Variants in PRKCH observed in about 807,000 individuals in gnomAD.
The protein encoded by PRKCH is protein kinase C eta.
In PRKCH, 28 loss-of-function variants were observed where a neutral mutation model predicts 82.5. The ratio of observed to expected loss-of-function variants is 0.34; its 90% CI spans 0.25 to 0.47. PRKCH has a LOEUF of 0.47. Among genes scored for constraint, PRKCH ranks in the 20% least tolerant of loss-of-function variants. The probability of loss-of-function intolerance (pLI) is 1.00; values close to 1 mark genes in which losing one functional copy is unlikely to be tolerated. For synonymous variants in PRKCH, 322 were observed against 327.4 expected (o/e 0.98, Z 0.18); for missense variants, 705 against 881.8 (o/e 0.80, Z 2.54).
At chr14:61,346,897 A>G (rs1417393413) in intron 1 of PRKCH, among the ~76,000 whole-genome samples, 1 of 152,220 alleles carries the variant, frequency 6.6e-6, no homozygotes, top group Non-Finnish European at 1.5e-5. Flanking sequence ...TTTCCAAAGC[A>G]TTATAGTTTT....
At chr14:61,405,929 G>GA (rs11368635) in intron 2 of PRKCH, among the ~76,000 whole-genome samples, 22,992 of 152,090 alleles carry the variant, frequency 0.15, 2,898 homozygotes, top group African/African-American at 0.33. Flanking sequence ...CAAGTACTGA[G>GA]AATAGGACCT....
intron 9 of PRKCH, among the ~76,000 whole-genome samples, chr14:61,466,778 G>A (rs1322426896): frequency 6.6e-6 from 1 of 152,078 alleles, no homozygotes; most frequent in Non-Finnish European, 1.5e-5. Context: ...CTCCGATGCC[G>A]GTCGCTTTTG....
Position 61,280,800 on chromosome 14 carries a change from G to A in PRKCH, c.-19+93132G>A, listed in dbSNP as rs769839648. The stretch of plus-strand genomic sequence containing the variant: ...CGTAGCGCCGGTTGTTCTGGTAGAA[G>A]TTGGTCAGCTCGTAGTAGAGGTACA... On this transcript the variant is annotated intron_variant, in intron 1 of 3. Coordinates refer to the PRKCH transcript ENST00000555185. The surrounding 1 kb of genome is among the most constrained non-coding windows in gnomAD (Gnocchi z 5.0). 48 of 1,560,872 alleles carry A rather than the reference G, an allele frequency of 3.1e-5. No homozygotes were observed. The highest frequency in any genetic ancestry group is 4.0e-5 in the Non-Finnish European group (47 of 1,162,400).
chr14:61,263,847 T>TTGTGTGTGTGTGTGTGTGTGTGTGTGTG (rs56280986), intron 1 of PRKCH, among the ~76,000 whole-genome samples: 1 of 144,194 alleles, frequency 6.9e-6, no homozygotes, highest in African/African-American at 2.6e-5. Flanking sequence ...AGTCAGAGTA[T>TTGTGTGTGTGTGTGTGTGTGTGTGTGTG]TGTGTGTGTG....
At chr14:61,296,349 T>G (rs1447896178) in intron 1 of PRKCH, among the ~76,000 whole-genome samples, 1 of 152,152 alleles carries the variant, frequency 6.6e-6, no homozygotes, top group Admixed American at 6.5e-5. Flanking sequence ...TCGGCTAAGC[T>G]GATACACACC....
intron 10 of PRKCH, among the ~76,000 whole-genome samples, chr14:61,503,240 C>T (rs1160781486): frequency 1.3e-5 from 2 of 150,808 alleles, no homozygotes; most frequent in African/African-American, 2.4e-5. Flanking sequence ...GGTTCAAACC[C>T]GTCAGAGGCC....
intron 1 of PRKCH, among the ~76,000 whole-genome samples, chr14:61,364,982 G>T (rs570329955): frequency 6.6e-6 from 1 of 152,210 alleles, no homozygotes; most frequent in South Asian, 2.1e-4. Context: ...AGGCGGTAGG[G>T]TGATGTAGTC....
intron 10 of PRKCH, among the ~76,000 whole-genome samples, chr14:61,495,046 A>G (rs1323191554): frequency 6.6e-6 from 1 of 152,220 alleles, no homozygotes; most frequent in Non-Finnish European, 1.5e-5. Context: ...GTTTAGGGGA[A>G]GCAGTTGACC....
chr14:61,283,464 A>G (rs996901843), intron 1 of PRKCH, among the ~76,000 whole-genome samples: 3 of 152,212 alleles, frequency 2.0e-5, no homozygotes, highest in Non-Finnish European at 4.4e-5. Context: ...TTTGTGTGGC[A>G]GGAATGAGGT....
chr14:61,237,352 C>A (rs1280623818), intron 1 of PRKCH, among the ~76,000 whole-genome samples: 13 of 151,944 alleles, frequency 8.6e-5, no homozygotes, highest in Non-Finnish European at 1.5e-5. Context: ...AAATATATTT[C>A]TTTGACATAT....
intron 1 of PRKCH, among the ~76,000 whole-genome samples, chr14:61,210,629 C>T (rs1183649613): frequency 6.6e-6 from 1 of 152,124 alleles, no homozygotes; most frequent in Non-Finnish European, 1.5e-5. Flanking sequence ...AGACCCAGCC[C>T]TCATTTTACA....
chr14:61,295,654 C>T (rs1309041602), intron 1 of PRKCH, among the ~76,000 whole-genome samples: 3 of 152,226 alleles, frequency 2.0e-5, no homozygotes, highest in African/African-American at 7.2e-5. Context: ...TCCATAGCAT[C>T]TAGCCCATGG....
intron 10 of PRKCH, among the ~76,000 whole-genome samples, chr14:61,493,280 T>A (rs1487122907): frequency 2.0e-5 from 3 of 152,188 alleles, no homozygotes; most frequent in Non-Finnish European, 4.4e-5. Context: ...CAACCCAGAT[T>A]TCTGTGCTTT....
chr14:61,421,373 T>C (rs1248965266), intron 2 of PRKCH, among the ~76,000 whole-genome samples: 1 of 152,210 alleles, frequency 6.6e-6, no homozygotes, highest in African/African-American at 2.4e-5. Flanking sequence ...TTTTATAATG[T>C]ACAAATTGTT....
intron 1 of PRKCH, among the ~76,000 whole-genome samples, chr14:61,359,699 C>A (rs537217587): frequency 1.2e-3 from 182 of 152,296 alleles, no homozygotes; most frequent in Non-Finnish European, 1.3e-3. Flanking sequence ...TGGCTGAACA[C>A]TGAAAAGCTC....
At chr14:61,323,700 A>T (rs1462989813) in intron 1 of PRKCH, among the ~76,000 whole-genome samples, 1 of 152,252 alleles carries the variant, frequency 6.6e-6, no homozygotes, top group Non-Finnish European at 1.5e-5. Flanking sequence ...GACTAACCTT[A>T]ATCGTCAAAT....
chr14:61,340,583 G>A (rs117268637), intron 1 of PRKCH, among the ~76,000 whole-genome samples: 8,879 of 152,202 alleles, frequency 0.058, 363 homozygotes, highest in Non-Finnish European at 0.085. Flanking sequence ...TTTATACTCC[G>A]TCTCCTTTAA....
In PRKCH at chr14:61,497,096, G is replaced by C. The variant is rs181593863; in HGVS notation, c.1433+11440G>C. Among the ~76,000 whole-genome samples the C allele has an allele frequency of 5.3e-3, 802 of 152,246 alleles. 12 individuals are homozygous for C. Among genetic ancestry groups the C allele is most frequent in the African/African-American group, 0.015 (635 of 41,520 alleles). On this transcript the variant is annotated intron_variant, in intron 10 of 13. Coordinates refer to ENST00000332981, the MANE Select transcript of PRKCH (RefSeq NM_006255.5). Reference sequence around the variant, plus strand: ...TTTATATCCTCATACATATTTATTTGGATCTGACTTCGATTCTTTCCTTAG... The same window carrying C: ...TTTATATCCTCATACATATTTATTTCGATCTGACTTCGATTCTTTCCTTAG...
chr14:61,233,127 C>G (rs2140060597), intron 1 of PRKCH, among the ~76,000 whole-genome samples: 1 of 152,280 alleles, frequency 6.6e-6, no homozygotes, highest in South Asian at 2.1e-4. Context: ...AATATGTCTC[C>G]CAGAGTGAGG....
Sources: gnomAD v4.1 joint callset for allele counts (sites outside exome capture counted in the v4.1 genomes callset) on GRCh38, gnomAD v4.1.1 for gene constraint, Gnocchi (gnomAD v3.1) non-coding constraint, MANE v1.5 for transcripts, NCBI Gene and HGNC (gene_info 2026-07-23, HGNC 2026-07-21) for gene names.